The following BCL2L2 variants were observed in gnomAD, a reference collection of about 807,000 sequenced individuals.
BCL2L2 encodes the protein bcl-2-like protein 2.
Under a neutral mutation model 14.6 loss-of-function variants are expected in BCL2L2, and 6 were observed. The observed-to-expected ratio is 0.41, with a 90% CI of 0.22 to 0.81. The LOEUF is 0.81. BCL2L2 is among the 30% of genes least tolerant of loss of function. BCL2L2 has a pLI of 0.32. For missense variants in BCL2L2, 191 were observed against 260.5 expected (o/e 0.73, Z 1.84); for synonymous variants, 90 against 108.5 (o/e 0.83, Z 1.06).
rs930687441 is a variant in BCL2L2 at position 23,309,777 on chromosome 14, G to A, written c.*812G>A. On this transcript the variant is annotated 3_prime_UTR_variant, in exon 4 of 4. Transcript: ENST00000250405. Reference sequence around the variant, plus strand: ...TCCTGGGCTCTGATAGAAGGGCAGGGCTGTTGAGCCTGGATGGGTGGAGGC... The same window carrying A: ...TCCTGGGCTCTGATAGAAGGGCAGGACTGTTGAGCCTGGATGGGTGGAGGC... 1 of 985,546 alleles carries A rather than the reference G, an allele frequency of 1.0e-6. No homozygotes were observed. Among genetic ancestry groups the A allele is most frequent in the Non-Finnish European group, 1.2e-6 (1 of 829,992 alleles). The allele number at this position is 985,546 out of a possible 1,614,324, so 61.1% of individuals were successfully genotyped here.
rs775352582 is a variant in BCL2L2, at chr14:23,308,131, G to A, written c.364G>A (p.Val122Met). Reference sequence around the variant, plus strand: ...GGAGATGGAACCACTGGTGGGACAAGTGCAGGAGTGGATGGTGGCCTACCT... The same window carrying A: ...GGAGATGGAACCACTGGTGGGACAAATGCAGGAGTGGATGGTGGCCTACCT... ...NKEMEPLVGQVQEWMVAYLET... is the reference protein window; with the variant it reads ...NKEMEPLVGQMQEWMVAYLET... The change falls in exon 3 of 4, where the codon GTG becomes ATG. Residue 122 changes from valine (V) to methionine (M), a missense_variant. Val to Met is a conservative substitution (Grantham distance 21, BLOSUM62 1). Coordinates refer to ENST00000250405, the MANE Select transcript of BCL2L2 (RefSeq NM_004050.5). The surrounding 1 kb of genome is among the most constrained non-coding windows in gnomAD (Gnocchi z 5.4). 6.2e-7 allele frequency: 1 copy of A among 1,613,844 alleles called. No individual in the cohort carries two copies. The highest frequency in any genetic ancestry group is 1.1e-5 in the South Asian group (1 of 91,078).
At position 23,309,876 on chromosome 14, in the gene BCL2L2, T is replaced by C. The variant is rs1343978797; in HGVS notation, c.*911T>C. 1.0e-6 allele frequency: 1 copy of C among 985,360 alleles called. No individual in the cohort carries two copies. The highest frequency in any genetic ancestry group is 1.2e-6 in the Non-Finnish European group (1 of 829,952). 61.0% of individuals were successfully genotyped at this position (985,360 alleles called of 1,614,324 possible). A position where few individuals can be genotyped will look rare whatever the true frequency, so the allele number is the denominator to read the frequency against. On this transcript the variant is annotated 3_prime_UTR_variant, in exon 4 of 4. Transcript: ENST00000250405. ...TGGTGCCTAAAGTGTTTCCAATCTC[T>C]GGGACCTCTGTACCCAAACTGAAAC... is the stretch of plus-strand genomic sequence containing the variant.
rs1234014314 is a variant in BCL2L2, at chr14:23,310,034, TC to T, written c.*1072del. 1.0e-6 allele frequency: 1 copy of T among 985,406 alleles called. No homozygotes were observed. Among genetic ancestry groups the T allele is most frequent in the Non-Finnish European group, 1.2e-6 (1 of 830,058 alleles). The allele number at this position is 985,406 out of a possible 1,614,324, so 61.0% of individuals were successfully genotyped here. On this transcript the variant is annotated 3_prime_UTR_variant, in exon 4 of 4. Transcript: ENST00000250405. ...TTGAGATGACCATTTCAGATCTGAA[TC>T]CCATGGGTGTGAGGGTGATGGGTAC...
At position 23,310,611 on chromosome 14, in the gene BCL2L2, A is replaced by G; in HGVS notation, c.*1646A>G. 5.5e-6 allele frequency: 6 copies of G among 1,091,614 alleles called. No homozygotes were observed. The South Asian group carries it at 9.5e-5, about 17-fold the overall frequency. The allele number at this position is 1,091,614 out of a possible 1,614,324, so 67.6% of individuals were successfully genotyped here. On this transcript the variant is annotated 3_prime_UTR_variant, in exon 4 of 4. Transcript: ENST00000250405. ...GGGGAGGTGGTAGGCTGCATGTGCC[A>G]CTTGGTCTTGTTGTGAGTATGCTGA...
chr14:23,311,228 G>A lies in BCL2L2; in HGVS notation c.*2263G>A. 8.1e-7 allele frequency: 1 copy of A among 1,238,626 alleles called. No individual in the cohort carries two copies. Among genetic ancestry groups the A allele is most frequent in the Non-Finnish European group, 1.0e-6 (1 of 971,050 alleles). The allele number at this position is 1,238,626 out of a possible 1,614,324, so 76.7% of individuals were successfully genotyped here. ...TGACCTGTCCTGCCCTTCTTAGCTT[G>A]AAGGGAAACCCCAGAGACTCTTCTG... On this transcript the variant is annotated 3_prime_UTR_variant, in exon 4 of 4. Coordinates refer to ENST00000250405, the MANE Select transcript of BCL2L2 (RefSeq NM_004050.5).
rs1887542829 is a variant in BCL2L2, at chr14:23,310,503, GA to G, written c.*1540del. 9.6e-7 allele frequency: 1 copy of G among 1,037,494 alleles called. No homozygotes were observed. Among genetic ancestry groups the G allele is most frequent in the Non-Finnish European group, 1.2e-6 (1 of 862,110 alleles). The allele number at this position is 1,037,494 out of a possible 1,614,324, so 64.3% of individuals were successfully genotyped here. ...TGTGGCAACGTAGTTGTGCTCGCCA[GA>G]ACGTGGGACCAAATTGGCCTCAGGT... On this transcript the variant is annotated 3_prime_UTR_variant, in exon 4 of 4. Transcript: ENST00000250405.
chr14:23,310,997 C>T lies in BCL2L2; in HGVS notation c.*2032C>T. 7.8e-7 allele frequency: 1 copy of T among 1,289,608 alleles called. No homozygotes were observed. Among genetic ancestry groups the T allele is most frequent in the Non-Finnish European group, 1.0e-6 (1 of 988,692 alleles). 79.9% of individuals were successfully genotyped at this position (1,289,608 alleles called of 1,614,324 possible). A position where few individuals can be genotyped will look rare whatever the true frequency, so the allele number is the denominator to read the frequency against. ...GGTATGGAGCACACTCTTCACCCTACCCTCTACCACAGGACACATATCCCT... is the reference window on the plus strand; with the variant it reads ...GGTATGGAGCACACTCTTCACCCTATCCTCTACCACAGGACACATATCCCT... On this transcript the variant is annotated 3_prime_UTR_variant, in exon 4 of 4. Transcript: ENST00000250405.
At chr14:23,307,056 A>C (rs890879093) in intron 1 of BCL2L2, 136 bp from the exon 2 acceptor site, 3 of 153,060 alleles carry the variant, frequency 2.0e-5, no homozygotes, top group African/African-American at 7.2e-5. Context: ...GTCATTAAAC[A>C]TGGATTCGGC....
rs952477118 is a variant in BCL2L2, at chr14:23,308,490, G to A, written c.432+291G>A. 1.3e-5 allele frequency among the ~76,000 whole-genome samples: 2 copies of A among 152,238 alleles called. No individual in the cohort carries two copies. Among genetic ancestry groups the A allele is most frequent in the South Asian group, 2.1e-4 (1 of 4,828 alleles). On this transcript the variant is annotated intron_variant, in intron 3 of 3. Transcript: ENST00000250405. The surrounding 1 kb of genome is among the most constrained non-coding windows in gnomAD (Gnocchi z 5.4). ...GGACTTTTTACATCTGAGTCATGGC[G>A]TGGGAGGTGGGGAGGACCAGGGATG...
chr14:23,307,963 G>T lies in BCL2L2; in HGVS notation c.196G>T (p.Ala66Ser), dbSNP rs544188628. 6.2e-7 allele frequency: 1 copy of T among 1,614,098 alleles called. No homozygotes were observed. Among genetic ancestry groups the T allele is most frequent in the African/African-American group, 1.3e-5 (1 of 75,050 alleles). The change falls in exon 3 of 4, where the codon GCT becomes TCT. Residue 66 changes from alanine (A) to serine (S), a missense_variant. Ala to Ser is a moderately conservative substitution (Grantham distance 99). Transcript: ENST00000250405. ...CCGGCGCACCTTCTCTGATCTGGCG[G>T]CTCAGCTGCATGTGACCCCAGGCTC... ...RFRRTFSDLAAQLHVTPGSAQ... is the reference protein window; with the variant it reads ...RFRRTFSDLASQLHVTPGSAQ...
rs779588051 is a variant in BCL2L2 at position 23,307,773 on chromosome 14, G to A, written c.6G>A (p.Ala2=). The A allele has an allele frequency of 2.0e-6, 3 of 1,522,452 alleles. No individual in the cohort carries two copies. The highest frequency in any genetic ancestry group is 2.6e-6 in the Non-Finnish European group (3 of 1,136,700). 94.3% of individuals were successfully genotyped at this position (1,522,452 alleles called of 1,614,324 possible). Residue 2 remains alanine (A), a synonymous_variant, in exon 3 of 4, where the codon GCG becomes GCA. Transcript: ENST00000250405. The part of the protein sequence containing the change: M[A]TPASAPDTRA... ...TGCCTCTTATAGCCGCCCGGATGGC[G>A]ACCCCAGCCTCGGCCCCAGACACAC...
chr14:23,309,395 A>C lies in BCL2L2; in HGVS notation c.*430A>C, dbSNP rs533509687. 2 of 996,748 alleles carry C rather than the reference A, an allele frequency of 2.0e-6. No individual in the cohort carries two copies. Among genetic ancestry groups the C allele is most frequent in the Admixed American group, 1.2e-4 (2 of 16,588 alleles). 61.7% of individuals were successfully genotyped at this position (996,748 alleles called of 1,614,324 possible). A position where few individuals can be genotyped will look rare whatever the true frequency, so the allele number is the denominator to read the frequency against. The stretch of plus-strand genomic sequence containing the variant: ...GCTTAGGGGTTCTCAGGTGATAGGG[A>C]GAGGTGGCTGTTAACAGTGGGCTGC... On this transcript the variant is annotated 3_prime_UTR_variant, in exon 4 of 4. Coordinates refer to ENST00000250405, the MANE Select transcript of BCL2L2 (RefSeq NM_004050.5).
Position 23,311,001 on chromosome 14 carries a change from C to T in BCL2L2, c.*2036C>T. ...TGGAGCACACTCTTCACCCTACCCT[C>T]TACCACAGGACACATATCCCTGTTA... On this transcript the variant is annotated 3_prime_UTR_variant, in exon 4 of 4. Transcript: ENST00000250405. 4 of 1,289,630 alleles carry T rather than the reference C, an allele frequency of 3.1e-6. No homozygotes were observed. Among genetic ancestry groups the T allele is most frequent in the South Asian group, 1.2e-5 (1 of 81,030 alleles). 79.9% of individuals were successfully genotyped at this position (1,289,630 alleles called of 1,614,324 possible).
In BCL2L2 at chr14:23,310,792, G is replaced by A. The variant is rs1887565030; in HGVS notation, c.*1827G>A. The A allele has an allele frequency of 1.7e-6, 2 of 1,197,042 alleles. No individual in the cohort carries two copies. Among genetic ancestry groups the A allele is most frequent in the African/African-American group, 1.6e-5 (1 of 62,668 alleles). The allele number at this position is 1,197,042 out of a possible 1,614,324, so 74.2% of individuals were successfully genotyped here. On this transcript the variant is annotated 3_prime_UTR_variant, in exon 4 of 4. Transcript: ENST00000250405. ...GAGTCCTTGGGGAGATGAAGGGGGT[G>A]GGGAGCTGAGCAGGCTGGGCAATTT...
chr14:23,307,864 C>T lies in BCL2L2; in HGVS notation c.97C>T (p.Pro33Ser), dbSNP rs1002769277. ...GAAGGGTTATGTCTGTGGAGCTGGCCCCGGGGAGGGCCCAGCAGCTGACCC... is the reference window on the plus strand; with the variant it reads ...GAAGGGTTATGTCTGTGGAGCTGGCTCCGGGGAGGGCCCAGCAGCTGACCC... ...RQKGYVCGAG[P>S]GEGPAADPLH... is the part of the protein sequence containing the mutation. Residue 33 changes from proline (P) to serine (S), a missense_variant, in exon 3 of 4, where the codon CCC becomes TCC. Pro to Ser is a moderately conservative substitution (Grantham distance 74). Transcript: ENST00000250405. The T allele has an allele frequency of 1.9e-6, 3 of 1,611,222 alleles. No individual in the cohort carries two copies. The highest frequency in any genetic ancestry group is 2.5e-6 in the Non-Finnish European group (3 of 1,178,894).
rs1160260533 is a variant in BCL2L2, at chr14:23,311,506, C to T, written c.*2541C>T. ...GCGGAAGTAGGGCAACTCGGTCCTG[C>T]GATTATTAATCCCACTCCCCACTTA... On this transcript the variant is annotated 3_prime_UTR_variant, in exon 4 of 4. Coordinates refer to ENST00000250405, the MANE Select transcript of BCL2L2 (RefSeq NM_004050.5). 3.0e-6 allele frequency: 3 copies of T among 996,930 alleles called. No homozygotes were observed. The highest frequency in any genetic ancestry group is 5.9e-5 in the Admixed American group (1 of 16,906). 61.8% of individuals were successfully genotyped at this position (996,930 alleles called of 1,614,324 possible). A position where few individuals can be genotyped will look rare whatever the true frequency, so the allele number is the denominator to read the frequency against.
In BCL2L2 at chr14:23,308,964, G is replaced by C; in HGVS notation, c.581G>C (p.Ter194SerextTer8). ...VTVGAFFASK* is the reference protein window; with the variant it reads ...VTVGAFFASKS The stretch of plus-strand genomic sequence containing the variant: ...GTAGGGGCCTTTTTTGCTAGCAAGT[G>C]AAAGTCCAGGGCCAGGTGGGGCTAG... The change falls in exon 4 of 4, where the codon TGA becomes TCA. Residue 194 changes from the stop codon to serine (S), a stop_lost. Transcript: ENST00000250405. This position sits in a 1 kb window ranked among gnomAD's most constrained non-coding sequence, Gnocchi z 5.4. 7.5e-7 allele frequency: 1 copy of C among 1,325,602 alleles called. No homozygotes were observed. Among genetic ancestry groups the C allele is most frequent in the Non-Finnish European group, 9.7e-7 (1 of 1,029,072 alleles). The allele number at this position is 1,325,602 out of a possible 1,614,324, so 82.1% of individuals were successfully genotyped here. A position where few individuals can be genotyped will look rare whatever the true frequency, so the allele number is the denominator to read the frequency against.
chr14:23,309,739 A>C lies in BCL2L2; in HGVS notation c.*774A>C, dbSNP rs541033918. ...CATCCCCCTTCCTTGTGCATTATGC[A>C]CTTGCTGCTGCCTCCTGGGCTCTGA... On this transcript the variant is annotated 3_prime_UTR_variant, in exon 4 of 4. Transcript: ENST00000250405. 1.0e-4 allele frequency: 100 copies of C among 985,410 alleles called. No individual in the cohort carries two copies. The highest frequency in any genetic ancestry group is 1.2e-4 in the Admixed American group (2 of 16,266). 61.0% of individuals were successfully genotyped at this position (985,410 alleles called of 1,614,324 possible). A position where few individuals can be genotyped will look rare whatever the true frequency, so the allele number is the denominator to read the frequency against.
chr14:23,307,456 G>A (rs1460844410), intron 2 of BCL2L2, among the ~76,000 whole-genome samples, 177 bp downstream of exon 2: 3 of 152,238 alleles, frequency 2.0e-5, no homozygotes, highest in Non-Finnish European at 4.4e-5. Flanking sequence ...AGACCCGGGG[G>A]TGGGGGTGTT....
Sources: gnomAD v4.1 joint callset for allele counts (sites outside exome capture counted in the v4.1 genomes callset) on GRCh38, gnomAD v4.1.1 for gene constraint, Gnocchi (gnomAD v3.1) non-coding constraint, MANE v1.5 for transcripts, NCBI Gene and HGNC (gene_info 2026-07-23, HGNC 2026-07-21) for gene names.